Variants in PLPP3 observed in about 807,000 individuals in gnomAD.
The protein encoded by PLPP3 is phospholipid phosphatase 3.
A neutral mutation model predicts 29.6 loss-of-function variants in PLPP3; 6 were observed. That is an observed-to-expected ratio of 0.20 (90% confidence interval 0.11 to 0.40). The LOEUF (loss-of-function observed/expected upper bound fraction) is 0.40, where lower values mean the gene tolerates loss of function less well. Ranked by LOEUF, PLPP3 falls within the 10% of genes least tolerant of loss-of-function variation. The pLI is 1.00. For missense variants in PLPP3, 308 were observed against 407.7 expected (o/e 0.76, Z 2.11); for synonymous variants, 152 against 159.7 (o/e 0.95, Z 0.36).
intron 1 of PLPP3, among the ~76,000 whole-genome samples, chr1:56,554,589 A>G (rs974692652): frequency 6.6e-6 from 1 of 150,724 alleles, no homozygotes; most frequent in African/African-American, 2.4e-5. Context: ...AAAAAAAAAG[A>G]AATACAGTGT....
At chr1:56,504,751 T>C (rs1645691823) in intron 5 of PLPP3, among the ~76,000 whole-genome samples, 1 of 152,184 alleles carries the variant, frequency 6.6e-6, no homozygotes, top group Admixed American at 6.5e-5. Flanking sequence ...AATTACCTAC[T>C]CTAAAAATTC....
chr1:56,550,475 A>C (rs1460701761), intron 1 of PLPP3, among the ~76,000 whole-genome samples: 1 of 152,190 alleles, frequency 6.6e-6, no homozygotes, highest in African/African-American at 2.4e-5. Context: ...GCAAGGAGCC[A>C]GCTTCTCTCA....
In PLPP3 at chr1:56,526,143, G is replaced by A. The variant is rs183908215; in HGVS notation, c.298-1589C>T. Among the ~76,000 whole-genome samples, 224 of 152,312 alleles carry A rather than the reference G, an allele frequency of 1.5e-3. 3 individuals carry two copies. The highest frequency in any genetic ancestry group is 4.1e-4 in the Non-Finnish European group (28 of 68,014). On this transcript the variant is annotated intron_variant, in intron 2 of 5. Transcript: ENST00000371250. ...CTCTAGCCAGCATCTTGGCATAGCC[G>A]TTTCCTGAGAGAGCAAAACTAGTAT...
At chr1:56,512,248 G>A (rs1645746238) in intron 4 of PLPP3, 96 bp from the exon 5 acceptor site, 1 of 1,162,908 alleles carries the variant, frequency 8.6e-7, no homozygotes, top group Non-Finnish European at 1.2e-6. Context: ...CTACGAACAG[G>A]GATCATCTGG....
chr1:56,552,838 G>A (rs114073899), intron 1 of PLPP3, among the ~76,000 whole-genome samples: 3,812 of 152,268 alleles, frequency 0.025, 59 homozygotes, highest in South Asian at 0.095. Flanking sequence ...TGTGCCTCAG[G>A]ACTGCCTAAA....
intron 2 of PLPP3, among the ~76,000 whole-genome samples, chr1:56,534,196 A>C (rs1645908683): frequency 6.6e-6 from 1 of 152,210 alleles, no homozygotes; most frequent in African/African-American, 2.4e-5. Context: ...TACTGCTGCT[A>C]GAGTCATTAA....
intron 5 of PLPP3, among the ~76,000 whole-genome samples, chr1:56,506,365 C>T (rs1645701789): frequency 6.6e-6 from 1 of 152,228 alleles, no homozygotes; most frequent in Admixed American, 6.5e-5. Flanking sequence ...GGCATTCTTG[C>T]TGGTGTCTTT....
intron 4 of PLPP3, 114 bp from the exon 5 acceptor site, chr1:56,512,266 G>A (rs1645746452): frequency 9.7e-7 from 1 of 1,031,918 alleles, no homozygotes; most frequent in African/African-American, 1.6e-5. Flanking sequence ...TGGACCTTGG[G>A]TGGCATGTTG....
intron 1 of PLPP3, among the ~76,000 whole-genome samples, chr1:56,573,443 C>T (rs879800366): frequency 3.9e-5 from 6 of 152,170 alleles, no homozygotes; most frequent in Non-Finnish European, 7.4e-5. Context: ...CCAGAACATT[C>T]AGTGCAGGGA....
At chr1:56,551,303 T>TTG (rs1438367817) in intron 1 of PLPP3, among the ~76,000 whole-genome samples, 2,075 of 149,758 alleles carry the variant, frequency 0.014, 51 homozygotes, top group Non-Finnish European at 0.015. Context: ...TCGGTTCGGT[T>TTG]CGGTTCGGTT....
chr1:56,551,553 A>C (rs1646040003), intron 1 of PLPP3, among the ~76,000 whole-genome samples: 1 of 152,116 alleles, frequency 6.6e-6, no homozygotes, highest in African/African-American at 2.4e-5. Flanking sequence ...CTCCCCACTC[A>C]AAGCATGAAG....
chr1:56,556,952 G>GAGAAAGAAAGAAAGAAAGAAAGAA lies in PLPP3; in HGVS notation c.140-19864_140-19841dup, dbSNP rs1176222349. The stretch of plus-strand genomic sequence containing the variant: ...AGAGAGAGAGAGAGAGAGAGACAGA[G>GAGAAAGAAAGAAAGAAAGAAAGAA]AGAAAGAAAGAAAGAAAGAAAGAAA... On this transcript the variant is annotated intron_variant, in intron 1 of 5. Transcript: ENST00000371250. 1.1e-4 allele frequency among the ~76,000 whole-genome samples: 6 copies of GAGAAAGAAAGAAAGAAAGAAAGAA among 55,422 alleles called. 1 individual carries two copies. The highest frequency in any genetic ancestry group is 2.7e-4 in the Admixed American group (1 of 3,720). 36.4% of individuals were successfully genotyped at this position (55,422 alleles called of 152,430 possible). A position where few individuals can be genotyped will look rare whatever the true frequency, so the allele number is the denominator to read the frequency against.
chr1:56,540,852 C>G (rs1171657016), intron 1 of PLPP3, among the ~76,000 whole-genome samples: 2 of 152,132 alleles, frequency 1.3e-5, no homozygotes, highest in Non-Finnish European at 2.9e-5. Flanking sequence ...TAACACTGTG[C>G]CTTGCCCTTC....
rs1645625283 is a variant in PLPP3, at chr1:56,495,454, C to T, written c.*1097G>A. 1 of 152,648 alleles carries T rather than the reference C, an allele frequency of 6.6e-6. No homozygotes were observed. Among genetic ancestry groups the T allele is most frequent in the Non-Finnish European group, 1.5e-5 (1 of 68,042 alleles). The allele number at this position is 152,648 out of a possible 1,614,324, so 9.5% of individuals were successfully genotyped here. On this transcript the variant is annotated 3_prime_UTR_variant, in exon 6 of 6. Transcript: ENST00000371250. ...CAAGAACTGCCCTAGGGCTCAACCC[C>T]AAGACAATAGTGCTTTACACAGCAA...
rs1191799496 is a variant in PLPP3 at position 56,524,290 on chromosome 1, C to T, written c.562G>A (p.Val188Ile). Residue 188 changes from valine (V) to isoleucine (I), a missense_variant, in exon 3 of 6, where the codon GTC (valine) becomes ATC (isoleucine). Transcript: ENST00000371250. This position sits in a 1 kb window ranked among gnomAD's most constrained non-coding sequence, Gnocchi z 4.3. ...GTGGTGTCTCACCTGGCTTCCTGGA[C>T]TTTGCTGTCATCACCTCTGCATCTG... is the stretch of plus-strand genomic sequence containing the variant. ...NYRCRGDDSK[V>I]QEARKSFFSG... is the part of the protein sequence containing the mutation. The T allele has an allele frequency of 6.2e-7, 1 of 1,613,456 alleles. No individual in the cohort carries two copies. Among genetic ancestry groups the T allele is most frequent in the Non-Finnish European group, 8.5e-7 (1 of 1,179,880 alleles).
rs557753031 is a variant in PLPP3 at position 56,543,354 on chromosome 1, T to C, written c.140-6242A>G. On this transcript the variant is annotated intron_variant, in intron 1 of 5. Coordinates refer to ENST00000371250, the MANE Select transcript of PLPP3 (RefSeq NM_003713.5). ...TTATAACTGGTACAAGGTCCTCAAG[T>C]GAGTAAATTGGTCACTGGGTTTTGA... Among the ~76,000 whole-genome samples, 27 of 152,328 alleles carry C rather than the reference T, an allele frequency of 1.8e-4. No homozygotes were observed. In the South Asian group the frequency reaches 2.7e-3, roughly 15 times the overall value.
chr1:56,512,063 C>G lies in PLPP3; in HGVS notation c.723G>C (p.Thr241=). The G allele has an allele frequency of 6.2e-7, 1 of 1,613,600 alleles. No individual in the cohort carries two copies. The highest frequency in any genetic ancestry group is 8.5e-7 in the Non-Finnish European group (1 of 1,179,794). The change falls in exon 5 of 6, where the codon ACG becomes ACC. Residue 241 remains threonine, a synonymous_variant. Coordinates refer to ENST00000371250, the MANE Select transcript of PLPP3 (RefSeq NM_003713.5). ...TGTGGTCTGATACGCGAGACAGTCCCGTGTAGAAGGCCATCATGATCAAGG... is the reference window on the plus strand; with the variant it reads ...TGTGGTCTGATACGCGAGACAGTCCGGTGTAGAAGGCCATCATGATCAAGG... The part of the protein sequence containing the change: ...QFTLIMMAFY[T]GLSRVSDHKH...
At position 56,559,046 on chromosome 1, in the gene PLPP3, T is replaced by A. The variant is rs75425984; in HGVS notation, c.139+19832A>T. ...ACCAACAGAGTTCAAGTGACTTGTT[T>A]AAGGTCACTAACTAGTGCCAGAGCT... On this transcript the variant is annotated intron_variant, in intron 1 of 5. Coordinates refer to ENST00000371250, the MANE Select transcript of PLPP3 (RefSeq NM_003713.5). Among the ~76,000 whole-genome samples the A allele has an allele frequency of 7.6e-4, 116 of 152,334 alleles. 2 individuals are homozygous for A. In the East Asian group the frequency reaches 0.02, roughly 27 times the overall value.
At position 56,562,036 on chromosome 1, in the gene PLPP3, CAAAAAAAAAA is replaced by C. The variant is rs71048439; in HGVS notation, c.139+16832_139+16841del. Among the ~76,000 whole-genome samples the C allele has an allele frequency of 5.9e-5, 3 of 50,970 alleles. No homozygotes were observed. In the East Asian group the frequency reaches 2.7e-3, roughly 45 times the overall value. 33.4% of individuals were successfully genotyped at this position (50,970 alleles called of 152,430 possible). On this transcript the variant is annotated intron_variant, in intron 1 of 5. Coordinates refer to ENST00000371250, the MANE Select transcript of PLPP3 (RefSeq NM_003713.5). ...AGTGACAAAGCAAGACTCCGTTTCA[CAAAAAAAAAA>C]AAAAAAAAAAAAAAAAAAAAAGGAA...
Sources: gnomAD v4.1 joint callset for allele counts (sites outside exome capture counted in the v4.1 genomes callset) on GRCh38, gnomAD v4.1.1 for gene constraint, Gnocchi (gnomAD v3.1) non-coding constraint, MANE v1.5 for transcripts, NCBI Gene and HGNC (gene_info 2026-07-23, HGNC 2026-07-21) for gene names.